The following LRP6 variants were observed in gnomAD, a reference collection of about 807,000 sequenced individuals.
LRP6 encodes low-density lipoprotein receptor-related protein 6.
A neutral mutation model predicts 184.1 loss-of-function variants in LRP6; 43 were observed. That is an observed-to-expected ratio of 0.23 (90% CI 0.18 to 0.30). LRP6 has a LOEUF of 0.30. Ranked by LOEUF, LRP6 falls within the 10% of genes least tolerant of loss-of-function variation. The pLI is 1.00. For synonymous variants in LRP6, 719 were observed against 684.9 expected (o/e 1.05, Z -0.78); for missense variants, 1,571 against 2,005.3 (o/e 0.78, Z 4.14).
At chr12:12,261,866 A>T (rs1246807376) in intron 1 of LRP6, among the ~76,000 whole-genome samples, 1 of 152,236 alleles carries the variant, frequency 6.6e-6, no homozygotes, top group South Asian at 2.1e-4. Flanking sequence ...GCAAAACATT[A>T]GTGGTTTGTT....
intron 8 of LRP6, 32 bp from the exon 9 acceptor site, chr12:12,164,594 G>A: frequency 6.2e-7 from 1 of 1,601,756 alleles, no homozygotes; most frequent in Non-Finnish European, 8.6e-7. Context: ...GGGCACAGAA[G>A]GACACACACA....
chr12:12,264,647 G>A (rs1865711551), intron 1 of LRP6, among the ~76,000 whole-genome samples: 1 of 152,084 alleles, frequency 6.6e-6, no homozygotes, highest in Admixed American at 6.6e-5. Flanking sequence ...TTTTCTCCTT[G>A]GAGTCCAAGG....
chr12:12,182,001 T>C (rs1057348430), intron 5 of LRP6, among the ~76,000 whole-genome samples: 2 of 152,094 alleles, frequency 1.3e-5, no homozygotes, highest in Non-Finnish European at 2.9e-5. Flanking sequence ...CAAAGAGAAA[T>C]ACAGGGCAAT....
intron 6 of LRP6, among the ~76,000 whole-genome samples, 161 bp from the exon 7 acceptor site, chr12:12,180,142 A>G (rs1863306989): frequency 6.6e-6 from 1 of 151,046 alleles, no homozygotes. Context: ...TAAGACATTT[A>G]TCCCAGCAAT....
intron 2 of LRP6, among the ~76,000 whole-genome samples, chr12:12,210,585 T>C (rs1295087253): frequency 2.0e-5 from 3 of 152,084 alleles, no homozygotes; most frequent in Non-Finnish European, 4.4e-5. Flanking sequence ...CAATTACGAG[T>C]TGCATATGAA....
chr12:12,179,772 AT>A (rs750791077), intron 7 of LRP6, 37 bp downstream of exon 7: 1 of 1,607,864 alleles, frequency 6.2e-7, no homozygotes, highest in Non-Finnish European at 8.5e-7. Flanking sequence ...AAAACCCATT[AT>A]AAAAGTGGCT....
intron 7 of LRP6, among the ~76,000 whole-genome samples, chr12:12,172,657 T>C (rs1000070512): frequency 6.6e-6 from 1 of 152,222 alleles, no homozygotes; most frequent in African/African-American, 2.4e-5. Context: ...AGCTTATACA[T>C]AAGGAAGACA....
intron 6 of LRP6, among the ~76,000 whole-genome samples, 181 bp from the exon 7 acceptor site, chr12:12,180,162 T>A (rs139208592): frequency 6.6e-6 from 1 of 150,960 alleles, no homozygotes; most frequent in African/African-American, 2.4e-5. Flanking sequence ...TATATAAGAT[T>A]GTGGGAAATT....
rs759568058 is a variant in LRP6, at chr12:12,121,460, C to CA, written c.4548-41dup. 1,276 of 1,555,112 alleles carry CA rather than the reference C, an allele frequency of 8.2e-4. 1 individual carries two copies. The highest frequency in any genetic ancestry group is 1.3e-3 in the South Asian group (118 of 87,996). On this transcript the variant is annotated intron_variant, in intron 22 of 22. Coordinates refer to ENST00000261349, the MANE Select transcript of LRP6 (RefSeq NM_002336.3). ...AAATAAAGAGAAGCAGTTAGTTTTA[C>CA]AAAAAAAAATGATTTCCCCTCTCAG...
intron 3 of LRP6, among the ~76,000 whole-genome samples, chr12:12,191,345 GA>G (rs1165793889): frequency 6.6e-6 from 1 of 152,102 alleles, no homozygotes; most frequent in Non-Finnish European, 1.5e-5. Context: ...ATAAGGTACA[GA>G]AAAAAGCAGA....
chr12:12,165,884 T>A (rs1469040424), intron 7 of LRP6, among the ~76,000 whole-genome samples: 1 of 152,144 alleles, frequency 6.6e-6, no homozygotes, highest in Non-Finnish European at 1.5e-5. Flanking sequence ...CACAAAAGTA[T>A]CGGGATTATA....
chr12:12,155,616 G>C (rs932682647), intron 12 of LRP6: 1 of 870,874 alleles, frequency 1.1e-6, no homozygotes, highest in Admixed American at 1.8e-5. Flanking sequence ...ATCAGAAAAA[G>C]AAGGAAAATG....
chr12:12,184,168 A>G (rs1863412607), intron 4 of LRP6, 57 bp from the exon 5 acceptor site: 7 of 1,505,606 alleles, frequency 4.6e-6, no homozygotes, highest in Non-Finnish European at 6.5e-6. Context: ...CACAAAGGTT[A>G]ACAACCATAA....
chr12:12,119,988 A>AAAAT lies in LRP6; in HGVS notation c.*1134_*1137dup. Reference sequence around the variant, plus strand: ...TTACTCAGAAAACAAACAAACAAACAAAATATATATATATATATATATATA... The same window carrying AAAAT: ...TTACTCAGAAAACAAACAAACAAACAAAATAAATATATATATATATATATATATA... On this transcript the variant is annotated 3_prime_UTR_variant, in exon 23 of 23. Coordinates refer to ENST00000261349, the MANE Select transcript of LRP6 (RefSeq NM_002336.3). 1 of 97,046 alleles carries AAAAT rather than the reference A, an allele frequency of 1.0e-5. No homozygotes were observed. Among genetic ancestry groups the AAAAT allele is most frequent in the Middle Eastern group, 5.4e-3 (1 of 184 alleles). The allele number at this position is 97,046 out of a possible 1,614,324, so 6.0% of individuals were successfully genotyped here. A position where few individuals can be genotyped will look rare whatever the true frequency, so the allele number is the denominator to read the frequency against.
Position 12,222,308 on chromosome 12 carries a change from G to A in LRP6, c.450-18908C>T, listed in dbSNP as rs1027247723. Reference sequence around the variant, plus strand: ...CGGCCGGGTGCAGTGGCTCACACCTGTAATCCCAGCACTTTGGGAGGTCGA... The same window carrying A: ...CGGCCGGGTGCAGTGGCTCACACCTATAATCCCAGCACTTTGGGAGGTCGA... On this transcript the variant is annotated intron_variant, in intron 2 of 22. Coordinates refer to ENST00000261349, the MANE Select transcript of LRP6 (RefSeq NM_002336.3). 7.0e-4 allele frequency among the ~76,000 whole-genome samples: 107 copies of A among 152,046 alleles called. 1 individual carries two copies. Among genetic ancestry groups the A allele is most frequent in the African/African-American group, 2.5e-3 (104 of 41,366 alleles).
intron 2 of LRP6, among the ~76,000 whole-genome samples, chr12:12,218,808 G>A (rs1362933599): frequency 6.6e-6 from 1 of 152,004 alleles, no homozygotes; most frequent in Non-Finnish European, 1.5e-5. Context: ...CAACCCAAGT[G>A]ACAGAGCAAT....
At chr12:12,211,721 C>G (rs992268949) in intron 2 of LRP6, among the ~76,000 whole-genome samples, 1 of 152,074 alleles carries the variant, frequency 6.6e-6, no homozygotes, top group Non-Finnish European at 1.5e-5. Flanking sequence ...CCTTAAGCAC[C>G]CAGTCTAGTC....
chr12:12,266,802 G>A lies in LRP6; in HGVS notation c.-67C>T. ...CCAGAAGTGGGGGAGGCGAGGAGCC[G>A]GGGCGGCCGCCGCAGCGGCAGGGCT... On this transcript the variant is annotated 5_prime_UTR_variant, in exon 1 of 23. Coordinates refer to ENST00000261349, the MANE Select transcript of LRP6 (RefSeq NM_002336.3). The A allele has an allele frequency of 7.3e-7, 1 of 1,363,086 alleles. No homozygotes were observed. The highest frequency in any genetic ancestry group is 1.8e-5 in the Admixed American group (1 of 54,474). The allele number at this position is 1,363,086 out of a possible 1,614,324, so 84.4% of individuals were successfully genotyped here. A position where few individuals can be genotyped will look rare whatever the true frequency, so the allele number is the denominator to read the frequency against.
chr12:12,242,836 C>G (rs533162549), intron 2 of LRP6, among the ~76,000 whole-genome samples: 1 of 152,190 alleles, frequency 6.6e-6, no homozygotes, highest in African/African-American at 2.4e-5. Context: ...TAATCCTTTA[C>G]AGTCAAATCA....
Sources: allele counts gnomAD v4.1 joint callset (sites outside exome capture counted in the v4.1 genomes callset), GRCh38; gene constraint gnomAD v4.1.1; transcripts MANE v1.5; gene names NCBI Gene and HGNC (gene_info 2026-07-23, HGNC 2026-07-21).